PARVB: variants seen among roughly 807,000 people sequenced by gnomAD.
PARVB encodes parvin beta.
PARVB carries 46 observed loss-of-function variants against 47.0 expected under a neutral mutation model. The ratio of observed to expected loss-of-function variants is 0.98; its 90% CI spans 0.77 to 1.25. The LOEUF (loss-of-function observed/expected upper bound fraction) is 1.25, where lower values mean the gene tolerates loss of function less well. PARVB is among the 50% of genes most tolerant of loss of function. The pLI is 0.00. For missense variants in PARVB, 473 were observed against 471.6 expected, an observed-to-expected ratio of 1.00 and a Z score of -0.03; for synonymous variants, 196 against 196.3, an observed-to-expected ratio of 1.00 and a Z score of 0.01.
At chr22:44,071,016 T>G (rs1398979496) in intron 1 of PARVB, among the ~76,000 whole-genome samples, 1 of 152,016 alleles carries the variant, frequency 6.6e-6, no homozygotes, top group Non-Finnish European at 1.5e-5. Flanking sequence ...CTTGGCCTGG[T>G]GGGGTAGGAG....
chr22:44,060,315 A>G (rs533652911), intron 1 of PARVB, among the ~76,000 whole-genome samples: 1 of 152,074 alleles, frequency 6.6e-6, no homozygotes, highest in South Asian at 2.1e-4. Flanking sequence ...GACTCTTTCT[A>G]AAAAAAAGAA....
intron 10 of PARVB, chr22:44,151,838 G>A: frequency 2.6e-6 from 1 of 379,306 alleles, no homozygotes; most frequent in Non-Finnish European, 5.0e-6. Context: ...GCCTGGGTGG[G>A]TTCCCTCCAA....
At chr22:44,037,732 C>T (rs1221236175) in intron 1 of PARVB, among the ~76,000 whole-genome samples, 1 of 152,200 alleles carries the variant, frequency 6.6e-6, no homozygotes, top group Non-Finnish European at 1.5e-5. Flanking sequence ...AGTCATCTTC[C>T]CAGCTGGCTC....
At chr22:44,093,498 AG>A (rs1235434064) in intron 1 of PARVB, among the ~76,000 whole-genome samples, 1 of 152,158 alleles carries the variant, frequency 6.6e-6, no homozygotes, top group Non-Finnish European at 1.5e-5. Context: ...GCATGACCGG[AG>A]GGGGTTAGCA....
chr22:44,123,890 C>T (rs1009075539), intron 4 of PARVB, among the ~76,000 whole-genome samples: 2 of 152,236 alleles, frequency 1.3e-5, no homozygotes, highest in African/African-American at 2.4e-5. Flanking sequence ...GCTGAAATTA[C>T]GTGGATGGAG....
intron 8 of PARVB, chr22:44,142,956 G>A (rs2053587775): frequency 6.6e-6 from 1 of 152,272 alleles, no homozygotes; most frequent in East Asian, 1.9e-4. Context: ...CCCCTGTGGG[G>A]GCAGCAGCAC....
At chr22:44,015,164 TAAAAAAAA>T (rs35523068) in intron 2 of PARVB, among the ~76,000 whole-genome samples, 2 of 143,900 alleles carry the variant, frequency 1.4e-5, no homozygotes, top group African/African-American at 5.2e-5. Flanking sequence ...ACACAGCAAT[TAAAAAAAA>T]AAAAAAGTTC....
Position 44,077,788 on chromosome 22 carries a change from C to G in PARVB, c.113-16140C>G, listed in dbSNP as rs186011730. On this transcript the variant is annotated intron_variant, in intron 1 of 12. Transcript: ENST00000338758. Reference sequence around the variant, plus strand: ...TCATTCTGTCATCCAGGCTGGTGTGCAATGGTTCTAGCGATTCTCCTGCCT... The same window carrying G: ...TCATTCTGTCATCCAGGCTGGTGTGGAATGGTTCTAGCGATTCTCCTGCCT... Among the ~76,000 whole-genome samples, 1,053 of 152,130 alleles carry G rather than the reference C, an allele frequency of 6.9e-3. 12 individuals are homozygous for G. Among genetic ancestry groups the G allele is most frequent in the African/African-American group, 0.024 (989 of 41,476 alleles).
intron 8 of PARVB, chr22:44,141,639 A>C (rs1218376496): frequency 6.6e-6 from 1 of 152,246 alleles, no homozygotes. Flanking sequence ...CCTTCAATCC[A>C]ATCAAGCTGA....
At chr22:44,069,623 G>A (rs1306620076) in intron 1 of PARVB, among the ~76,000 whole-genome samples, 2 of 152,042 alleles carry the variant, frequency 1.3e-5, no homozygotes, top group Non-Finnish European at 2.9e-5. Flanking sequence ...CTGCCTCCCA[G>A]GTTCAAGTGA....
chr22:44,065,394 C>A (rs1030821662), intron 1 of PARVB, among the ~76,000 whole-genome samples: 1 of 152,024 alleles, frequency 6.6e-6, no homozygotes, highest in Non-Finnish European at 1.5e-5. Context: ...TGGGCTCAAG[C>A]GATCCTCCTG....
rs533077313 is a variant in PARVB at position 44,165,898 on chromosome 22, G to A, written c.1018+1968G>A. Among the ~76,000 whole-genome samples the A allele has an allele frequency of 5.8e-4, 88 of 152,358 alleles. No homozygotes were observed. In the South Asian group the frequency reaches 0.014, roughly 25 times the overall value. ...TGCTGATGGTGGCTGCTAGCTCGGCGTTAGTGTCTGGTGGGTCGCACACTG... is the reference window on the plus strand; with the variant it reads ...TGCTGATGGTGGCTGCTAGCTCGGCATTAGTGTCTGGTGGGTCGCACACTG... On this transcript the variant is annotated intron_variant, in intron 12 of 12. Coordinates refer to ENST00000338758, the MANE Select transcript of PARVB (RefSeq NM_013327.5).
chr22:44,043,278 A>G (rs1464626292), intron 1 of PARVB, among the ~76,000 whole-genome samples: 1 of 152,136 alleles, frequency 6.6e-6, no homozygotes, highest in Admixed American at 6.6e-5. Flanking sequence ...GGGTACAGGG[A>G]TTATTTTGGG....
At chr22:44,000,533 A>C (rs574543154) in intron 2 of PARVB, among the ~76,000 whole-genome samples, 119 of 152,310 alleles carry the variant, frequency 7.8e-4, no homozygotes, top group African/African-American at 2.6e-3. Context: ...AATTTTGCAG[A>C]TCTTTTAATA....
chr22:43,999,670 G>A (rs1051480753), exon 2 of PARVB: 1 of 1,612,446 alleles, frequency 6.2e-7, no homozygotes, highest in Non-Finnish European at 8.5e-7. Context: ...TGCTCAAGGA[G>A]GAGGTAAGTT....
At chr22:44,053,212 T>G (rs2051244046) in intron 1 of PARVB, among the ~76,000 whole-genome samples, 1 of 151,506 alleles carries the variant, frequency 6.6e-6, no homozygotes, top group African/African-American at 2.4e-5. Flanking sequence ...GCCTCCCGAG[T>G]AGCTGGGATT....
chr22:44,046,925 G>A (rs992351786), intron 1 of PARVB, among the ~76,000 whole-genome samples: 2 of 152,180 alleles, frequency 1.3e-5, no homozygotes, highest in Non-Finnish European at 2.9e-5. Flanking sequence ...TAGCGGGGGC[G>A]TGCATGCAGA....
chr22:44,035,842 A>G (rs1208761679), intron 1 of PARVB, among the ~76,000 whole-genome samples: 1 of 152,054 alleles, frequency 6.6e-6, no homozygotes, highest in Admixed American at 6.6e-5. Context: ...GGAGCGGTGA[A>G]CTGCTCAAGT....
At chr22:44,033,817 C>G (rs971183733) in intron 1 of PARVB, among the ~76,000 whole-genome samples, 4 of 152,130 alleles carry the variant, frequency 2.6e-5, no homozygotes, top group Non-Finnish European at 4.4e-5. Context: ...GTTAGCACTC[C>G]TAGGGCCTGC....
Sources: gnomAD v4.1 joint callset for allele counts (sites outside exome capture counted in the v4.1 genomes callset) on GRCh38, gnomAD v4.1.1 for gene constraint, MANE v1.5 for transcripts, NCBI Gene and HGNC (gene_info 2026-07-23, HGNC 2026-07-21) for gene names.